GLO1: variants seen among roughly 807,000 people sequenced by gnomAD.
The protein encoded by GLO1 is glyoxalase I.
In GLO1, 28 loss-of-function variants were observed where a neutral mutation model predicts 26.0. The ratio of observed to expected loss-of-function variants is 1.08; its 90% CI spans 0.80 to 1.48. The LOEUF (loss-of-function observed/expected upper bound fraction) is 1.48, where lower values mean the gene tolerates loss of function less well. GLO1 is among the 40% of genes most tolerant of loss of function. The pLI is 0.00. For missense variants in GLO1, 225 were observed against 224.8 expected, an observed-to-expected ratio of 1.00 and a Z score of -0.01; for synonymous variants, 78 against 77.6, an observed-to-expected ratio of 1.00 and a Z score of -0.03.
intron 1 of GLO1, among the ~76,000 whole-genome samples, chr6:38,690,190 C>A (rs1252661647): frequency 6.6e-6 from 1 of 152,190 alleles, no homozygotes; most frequent in Non-Finnish European, 1.5e-5. Context: ...TACACAATAA[C>A]TATGTGCCAG....
intron 1 of GLO1, among the ~76,000 whole-genome samples, chr6:38,693,685 C>CTATA (rs1170645548): frequency 0.031 from 2,659 of 86,262 alleles, 58 homozygotes; most frequent in Admixed American, 0.059. Flanking sequence ...CTCTCTCTCT[C>CTATA]TATATATATA....
Position 38,702,914 on chromosome 6 carries a change from G to T in GLO1, c.84+57C>A, listed in dbSNP as rs944455329. ...GGCGGGATGGGGTTGGATAGAATGC[G>T]GCCCGGTCCCGGCCCAGCGGAGCTG... On this transcript the variant is annotated intron_variant, in intron 1 of 5. Coordinates refer to ENST00000373365, the MANE Select transcript of GLO1 (RefSeq NM_006708.3). 15 of 994,364 alleles carry T rather than the reference G, an allele frequency of 1.5e-5. No homozygotes were observed. The African/African-American group carries it at 2.4e-4, about 16-fold the overall frequency. 61.6% of individuals were successfully genotyped at this position (994,364 alleles called of 1,614,324 possible). A position where few individuals can be genotyped will look rare whatever the true frequency, so the allele number is the denominator to read the frequency against.
At chr6:38,695,646 G>T (rs1761600015) in intron 1 of GLO1, among the ~76,000 whole-genome samples, 1 of 152,054 alleles carries the variant, frequency 6.6e-6, no homozygotes, top group South Asian at 2.1e-4. Context: ...GCAGGGGAAG[G>T]CTGGGCAGCT....
chr6:38,703,089 A>G lies in GLO1; in HGVS notation c.-35T>C. Reference sequence around the variant, plus strand: ...GCAGTATCACAGACGACGGGACCCAAGGAACGGAGGAGTCACCCACACTAC... The same window carrying G: ...GCAGTATCACAGACGACGGGACCCAGGGAACGGAGGAGTCACCCACACTAC... On this transcript the variant is annotated 5_prime_UTR_variant, in exon 1 of 6. Transcript: ENST00000373365. The G allele has an allele frequency of 2.5e-6, 3 of 1,221,386 alleles. No homozygotes were observed. The highest frequency in any genetic ancestry group is 1.9e-5 in the Admixed American group (1 of 52,454). 75.7% of individuals were successfully genotyped at this position (1,221,386 alleles called of 1,614,324 possible).
chr6:38,700,542 C>T (rs1371700257), intron 1 of GLO1, among the ~76,000 whole-genome samples: 1 of 152,174 alleles, frequency 6.6e-6, no homozygotes, highest in African/African-American at 2.4e-5. Flanking sequence ...TCCAAATACC[C>T]TGTGCATACC....
intron 1 of GLO1, among the ~76,000 whole-genome samples, chr6:38,701,058 C>T (rs1315719265): frequency 6.6e-6 from 1 of 152,186 alleles, no homozygotes; most frequent in Non-Finnish European, 1.5e-5. Flanking sequence ...GGATTACAGG[C>T]ATGAGCCACT....
chr6:38,696,521 C>T (rs920082978), intron 1 of GLO1, among the ~76,000 whole-genome samples: 2 of 152,226 alleles, frequency 1.3e-5, no homozygotes, highest in Non-Finnish European at 2.9e-5. Flanking sequence ...TACCTTTGCA[C>T]TGTGACCTCA....
chr6:38,687,053 A>G (rs1761470245), intron 1 of GLO1, 79 bp from the exon 2 acceptor site: 4 of 1,526,832 alleles, frequency 2.6e-6, no homozygotes, highest in Admixed American at 2.0e-5. Flanking sequence ...CTGTAACAAG[A>G]TACAAACACA....
At chr6:38,689,579 C>T (rs558450229) in intron 1 of GLO1, among the ~76,000 whole-genome samples, 1 of 152,308 alleles carries the variant, frequency 6.6e-6, no homozygotes, top group African/African-American at 2.4e-5. Flanking sequence ...CTTAACTATT[C>T]TATCCCATAG....
rs1315618555 is a variant in GLO1 at position 38,703,108 on chromosome 6, A to G, written c.-54T>C. ...GACCCAAGGAACGGAGGAGTCACCC[A>G]CACTACGCCTCGGCCCTGTGCCGCC... On this transcript the variant is annotated 5_prime_UTR_variant, in exon 1 of 6. Transcript: ENST00000373365. 3.9e-6 allele frequency: 4 copies of G among 1,029,688 alleles called. No homozygotes were observed. The highest frequency in any genetic ancestry group is 3.0e-6 in the Non-Finnish European group (2 of 673,196). 63.8% of individuals were successfully genotyped at this position (1,029,688 alleles called of 1,614,324 possible).
chr6:38,686,498 T>C (rs1418283028), intron 2 of GLO1, among the ~76,000 whole-genome samples: 2 of 152,074 alleles, frequency 1.3e-5, no homozygotes, highest in African/African-American at 4.8e-5. Context: ...CCTAGAAAAA[T>C]AGAACAGATG....
chr6:38,684,532 C>A lies in GLO1; in HGVS notation c.168-18G>T. 1.4e-6 allele frequency: 2 copies of A among 1,463,774 alleles called. No individual in the cohort carries two copies. Among genetic ancestry groups the A allele is most frequent in the Non-Finnish European group, 1.8e-6 (2 of 1,102,778 alleles). The allele number at this position is 1,463,774 out of a possible 1,614,324, so 90.7% of individuals were successfully genotyped here. ...GGATTAGCCTGCAATGAAAAAACAACAAGCCTGAATCATTAACAACAGGAA... is the reference window on the plus strand; with the variant it reads ...GGATTAGCCTGCAATGAAAAAACAAAAAGCCTGAATCATTAACAACAGGAA... On this transcript the variant is annotated intron_variant, in intron 2 of 5. Transcript: ENST00000373365.
chr6:38,680,627 C>A (rs545005670), intron 5 of GLO1, among the ~76,000 whole-genome samples: 3 of 152,176 alleles, frequency 2.0e-5, no homozygotes, highest in East Asian at 1.9e-4. Context: ...TAGTGGCTCA[C>A]GCCTGTAATC....
chr6:38,678,743 G>A (rs1465697239), intron 5 of GLO1, among the ~76,000 whole-genome samples: 1 of 152,156 alleles, frequency 6.6e-6, no homozygotes, highest in Non-Finnish European at 1.5e-5. Flanking sequence ...CTCTCTCCAC[G>A]CCCAGGGCTA....
chr6:38,698,289 T>C (rs1488770365), intron 1 of GLO1, among the ~76,000 whole-genome samples: 3 of 151,922 alleles, frequency 2.0e-5, no homozygotes, highest in Non-Finnish European at 4.4e-5. Context: ...TTTATATATA[T>C]TATGATTCTC....
At chr6:38,690,063 T>C (rs1338032872) in intron 1 of GLO1, among the ~76,000 whole-genome samples, 1 of 151,872 alleles carries the variant, frequency 6.6e-6, no homozygotes, top group Non-Finnish European at 1.5e-5. Context: ...GACCTCGTGA[T>C]CCGCCTGCCT....
Position 38,676,952 on chromosome 6 carries a change from A to AT in GLO1, c.*342dup, listed in dbSNP as rs1005102574. 40 of 192,476 alleles carry AT rather than the reference A, an allele frequency of 2.1e-4. No homozygotes were observed. Among genetic ancestry groups the AT allele is most frequent in the South Asian group, 8.6e-4 (6 of 7,008 alleles). 11.9% of individuals were successfully genotyped at this position (192,476 alleles called of 1,614,324 possible). A position where few individuals can be genotyped will look rare whatever the true frequency, so the allele number is the denominator to read the frequency against. ...AGATAACTACAACAAAAACATGTTA[A>AT]TTTTTTTTTAAAAATGATGATTCAA... On this transcript the variant is annotated 3_prime_UTR_variant, in exon 6 of 6. Coordinates refer to ENST00000373365, the MANE Select transcript of GLO1 (RefSeq NM_006708.3).
chr6:38,692,909 T>C (rs1043131862), intron 1 of GLO1, among the ~76,000 whole-genome samples: 2 of 151,240 alleles, frequency 1.3e-5, no homozygotes, highest in African/African-American at 4.9e-5. Flanking sequence ...ATTCTTTCTA[T>C]ATATACTGTT....
intron 5 of GLO1, among the ~76,000 whole-genome samples, chr6:38,679,644 A>T (rs775397813): frequency 6.6e-5 from 10 of 152,050 alleles, no homozygotes; most frequent in Non-Finnish European, 8.8e-5. Flanking sequence ...AAAAATAAAA[A>T]ATTAGCCATA....
Sources: gnomAD v4.1 joint callset for allele counts (sites outside exome capture counted in the v4.1 genomes callset) on GRCh38, gnomAD v4.1.1 for gene constraint, MANE v1.5 for transcripts, NCBI Gene and HGNC (gene_info 2026-07-23, HGNC 2026-07-21) for gene names.